KCNQ5: variants seen among roughly 807,000 people sequenced by gnomAD.
KCNQ5 encodes the protein potassium voltage-gated channel subfamily KQT member 5.
Under a neutral mutation model 98.2 loss-of-function variants are expected in KCNQ5, and 30 were observed. The observed-to-expected ratio is 0.31, with a 90% CI of 0.23 to 0.41. The LOEUF is 0.41. Among genes scored for constraint, KCNQ5 ranks in the 10% least tolerant of loss-of-function variants. The pLI, the probability that KCNQ5 is intolerant of heterozygous loss-of-function variation, is 1.00. For synonymous variants in KCNQ5, 458 were observed against 449.4 expected (o/e 1.02, Z -0.24); for missense variants, 835 against 1,182.5 (o/e 0.71, Z 4.31).
chr6:72,643,376 C>T (rs902194792), intron 1 of KCNQ5, among the ~76,000 whole-genome samples: 6 of 152,110 alleles, frequency 3.9e-5, no homozygotes, highest in Admixed American at 1.3e-4. Flanking sequence ...ACTTCACATA[C>T]CAAAGGAAGT....
chr6:72,747,535 G>A (rs1205284824), intron 1 of KCNQ5, among the ~76,000 whole-genome samples: 6 of 152,076 alleles, frequency 3.9e-5, no homozygotes, highest in Non-Finnish European at 8.8e-5. Flanking sequence ...TCAAATGTCA[G>A]CATTATATAC....
chr6:72,758,693 A>G (rs888343151), intron 1 of KCNQ5, among the ~76,000 whole-genome samples: 34 of 152,294 alleles, frequency 2.2e-4, no homozygotes, highest in African/African-American at 8.2e-4. Flanking sequence ...AGCAATTGTA[A>G]TATATTTATT....
intron 1 of KCNQ5, among the ~76,000 whole-genome samples, chr6:72,953,642 A>T (rs1766908913): frequency 6.6e-6 from 1 of 152,122 alleles, no homozygotes. Context: ...CCCTTCTGTA[A>T]CTAAGAAATC....
intron 1 of KCNQ5, among the ~76,000 whole-genome samples, chr6:72,725,077 G>C (rs1378520681): frequency 1.3e-5 from 2 of 151,948 alleles, no homozygotes; most frequent in African/African-American, 4.8e-5. Flanking sequence ...CTAAAGCGAG[G>C]ATGTATTTAT....
chr6:72,658,051 G>C (rs1158751430), intron 1 of KCNQ5, among the ~76,000 whole-genome samples: 3 of 152,076 alleles, frequency 2.0e-5, no homozygotes, highest in Non-Finnish European at 4.4e-5. Flanking sequence ...AAGTATGATG[G>C]GCAGCCCAAG....
chr6:72,803,841 T>C (rs961975282), intron 1 of KCNQ5, among the ~76,000 whole-genome samples: 1 of 152,144 alleles, frequency 6.6e-6, no homozygotes, highest in Non-Finnish European at 1.5e-5. Context: ...TTATAAATAA[T>C]ACTTTTGTTT....
chr6:73,021,794 A>T (rs556400334), intron 2 of KCNQ5, among the ~76,000 whole-genome samples: 40 of 152,286 alleles, frequency 2.6e-4, no homozygotes, highest in African/African-American at 6.5e-4. Flanking sequence ...TCCAAAAACA[A>T]TTTTTCACTC....
rs201875282 is a variant in KCNQ5 at position 73,190,742 on chromosome 6, G to A, written c.1709+38G>A. On this transcript the variant is annotated intron_variant, in intron 12 of 13. Transcript: ENST00000370398. ...AATGTCATTCCTTGTAAAGGAATGG[G>A]CATAGAACCTATCTAGGAAGAACTT... 3.9e-4 allele frequency: 543 copies of A among 1,408,328 alleles called. 2 individuals are homozygous for A. The Middle Eastern group carries it at 7.6e-3, about 20-fold the overall frequency. The allele number at this position is 1,408,328 out of a possible 1,614,324, so 87.2% of individuals were successfully genotyped here.
Position 72,944,561 on chromosome 6 carries a change from C to A in KCNQ5, c.399-59347C>A, listed in dbSNP as rs184391007. The stretch of plus-strand genomic sequence containing the variant: ...TCATTAACTGAATTCAAACTTGAGC[C>A]TTTAATCCTGGGAAATAGTGCTATA... On this transcript the variant is annotated intron_variant, in intron 1 of 13. Coordinates refer to ENST00000370398, the MANE Select transcript of KCNQ5 (RefSeq NM_019842.4). Among the ~76,000 whole-genome samples, 18 of 152,308 alleles carry A rather than the reference C, an allele frequency of 1.2e-4. No homozygotes were observed. In the East Asian group the frequency reaches 3.5e-3, roughly 29 times the overall value.
chr6:72,995,245 G>A (rs1162656216), intron 1 of KCNQ5, among the ~76,000 whole-genome samples: 1 of 151,944 alleles, frequency 6.6e-6, no homozygotes, highest in Admixed American at 6.6e-5. Context: ...GTGCACGCCT[G>A]GAGTCCCAGT....
intron 1 of KCNQ5, among the ~76,000 whole-genome samples, chr6:72,831,757 GA>G (rs76358980): frequency 2.7e-5 from 4 of 150,244 alleles, no homozygotes; most frequent in Admixed American, 6.6e-5. Flanking sequence ...AAAATTAACA[GA>G]AAAAAAAAGA....
chr6:73,191,762 G>C (rs1765598241), intron 12 of KCNQ5, among the ~76,000 whole-genome samples: 1 of 152,200 alleles, frequency 6.6e-6, no homozygotes, highest in South Asian at 2.1e-4. Context: ...CCCAGACCTT[G>C]TAGAGTTTGC....
At chr6:73,169,441 A>G (rs1193155133) in intron 10 of KCNQ5, among the ~76,000 whole-genome samples, 1 of 152,258 alleles carries the variant, frequency 6.6e-6, no homozygotes, top group Non-Finnish European at 1.5e-5. Flanking sequence ...TTAGTTTCCA[A>G]GGAACTGGGC....
chr6:72,722,172 G>C (rs1279582626), intron 1 of KCNQ5, among the ~76,000 whole-genome samples: 1 of 152,176 alleles, frequency 6.6e-6, no homozygotes, highest in African/African-American at 2.4e-5. Context: ...AGCCCTGCTG[G>C]TACCTTGACT....
intron 1 of KCNQ5, among the ~76,000 whole-genome samples, chr6:72,856,308 C>G (rs938273867): frequency 2.0e-5 from 3 of 151,942 alleles, no homozygotes; most frequent in African/African-American, 4.8e-5. Context: ...TTCAAAGATT[C>G]CCTACATGAA....
At chr6:73,004,752 C>T (rs1360382176) in intron 2 of KCNQ5, among the ~76,000 whole-genome samples, 1 of 152,030 alleles carries the variant, frequency 6.6e-6, no homozygotes, top group Non-Finnish European at 1.5e-5. Context: ...TCACTTTGTC[C>T]AAAATTATCA....
intron 1 of KCNQ5, among the ~76,000 whole-genome samples, chr6:72,984,121 C>T (rs9446803): frequency 0.11 from 17,104 of 152,172 alleles, 1,301 homozygotes; most frequent in East Asian, 0.2. Flanking sequence ...AGGTGTCAGT[C>T]GGCCCCTACT....
chr6:73,091,389 T>A (rs553294809), intron 5 of KCNQ5, among the ~76,000 whole-genome samples: 50 of 152,142 alleles, frequency 3.3e-4, no homozygotes, highest in African/African-American at 1.1e-3. Context: ...AGCTGATGGG[T>A]GCAACAAACC....
chr6:72,844,435 T>A (rs1253011664), intron 1 of KCNQ5, among the ~76,000 whole-genome samples: 1 of 152,216 alleles, frequency 6.6e-6, no homozygotes, highest in Non-Finnish European at 1.5e-5. Context: ...ATTCTCTAGA[T>A]CCATTCTATA....
Sources: gnomAD v4.1 joint callset for allele counts (sites outside exome capture counted in the v4.1 genomes callset) on GRCh38, gnomAD v4.1.1 for gene constraint, MANE v1.5 for transcripts, NCBI Gene and HGNC (gene_info 2026-07-23, HGNC 2026-07-21) for gene names.